FHIP1A: variants seen among roughly 807,000 people sequenced by gnomAD.
FHIP1A encodes FHF complex subunit HOOK interacting protein 1A.
FHIP1A carries 61 observed loss-of-function variants against 88.6 expected under a neutral mutation model. The ratio of observed to expected loss-of-function variants is 0.69; its 90% CI spans 0.56 to 0.85. The LOEUF is 0.85. Ranked by LOEUF, FHIP1A falls within the 40% of genes least tolerant of loss-of-function variation. The probability of loss-of-function intolerance (pLI) is 0.00; values close to 1 mark genes in which losing one functional copy is unlikely to be tolerated. For missense variants in FHIP1A, 1,154 were observed against 1,273.5 expected (o/e 0.91, Z 1.43); for synonymous variants, 478 against 496.0 (o/e 0.96, Z 0.48).
At chr4:151,472,639 T>C (rs1729564302) in intron 2 of FHIP1A, among the ~76,000 whole-genome samples, 1 of 136,620 alleles carries the variant, frequency 7.3e-6, no homozygotes, top group African/African-American at 2.7e-5. Flanking sequence ...TTTTTTTTTT[T>C]GTAGCAACTA....
At chr4:151,439,118 T>A (rs1463112492) in intron 1 of FHIP1A, among the ~76,000 whole-genome samples, 3 of 152,188 alleles carry the variant, frequency 2.0e-5, no homozygotes, top group Non-Finnish European at 4.4e-5. Context: ...GTTTTCCACA[T>A]ATAAATATGT....
chr4:151,469,081 T>C (rs1561509034), intron 2 of FHIP1A, among the ~76,000 whole-genome samples: 1 of 152,224 alleles, frequency 6.6e-6, no homozygotes, highest in African/African-American at 2.4e-5. Context: ...CTGAAAAGGC[T>C]CTATTGCCTT....
intron 3 of FHIP1A, among the ~76,000 whole-genome samples, chr4:151,514,960 C>T (rs982286635): frequency 2.6e-5 from 4 of 152,058 alleles, no homozygotes; most frequent in Non-Finnish European, 2.9e-5. Flanking sequence ...TTTATGAGGC[C>T]AGCATCAACC....
rs542770700 is a variant in FHIP1A, at chr4:151,438,535, A to T, written c.-355-16166A>T. ...AAAACAAAAAAACAAAACAAAACAAAAAAATCTACCTCACCAGAATTATTT... is the reference window on the plus strand; with the variant it reads ...AAAACAAAAAAACAAAACAAAACAATAAAATCTACCTCACCAGAATTATTT... On this transcript the variant is annotated intron_variant, in intron 1 of 13. Coordinates refer to ENST00000435205, the MANE Select transcript of FHIP1A (RefSeq NM_001109977.3). Among the ~76,000 whole-genome samples, 28 of 152,214 alleles carry T rather than the reference A, an allele frequency of 1.8e-4. 1 individual carries two copies. In the South Asian group the frequency reaches 2.1e-3, roughly 11 times the overall value.
At chr4:151,411,007 GA>G (rs1732617176) in intron 1 of FHIP1A, among the ~76,000 whole-genome samples, 1 of 152,228 alleles carries the variant, frequency 6.6e-6, no homozygotes, top group Non-Finnish European at 1.5e-5. Flanking sequence ...TTCAGAGAGT[GA>G]TTGAGAGTGG....
At chr4:151,586,567 A>G (rs1481939023) in intron 5 of FHIP1A, 74 bp from the exon 6 acceptor site, 3 of 1,229,778 alleles carry the variant, frequency 2.4e-6, no homozygotes, top group South Asian at 1.5e-5. Context: ...CAGCATTGGC[A>G]TCACCTGTGA....
At chr4:151,416,797 T>C (rs1318378466) in intron 1 of FHIP1A, among the ~76,000 whole-genome samples, 1 of 152,168 alleles carries the variant, frequency 6.6e-6, no homozygotes, top group Non-Finnish European at 1.5e-5. Context: ...TATCCTTTTT[T>C]TTTTGAAGCA....
At chr4:151,511,432 C>T (rs749962104) in intron 3 of FHIP1A, among the ~76,000 whole-genome samples, 97 of 152,240 alleles carry the variant, frequency 6.4e-4, no homozygotes, top group Non-Finnish European at 1.0e-3. Context: ...AGACAGTGGG[C>T]GCAGGACAGT....
intron 8 of FHIP1A, among the ~76,000 whole-genome samples, chr4:151,634,318 TA>T (rs1370990031): frequency 6.6e-6 from 1 of 151,772 alleles, no homozygotes; most frequent in Non-Finnish European, 1.5e-5. Context: ...TTATTTTCAT[TA>T]AAATGGCCAT....
intron 7 of FHIP1A, among the ~76,000 whole-genome samples, chr4:151,618,685 A>G (rs144150857): frequency 4.9e-4 from 75 of 152,350 alleles, no homozygotes; most frequent in African/African-American, 1.6e-3. Flanking sequence ...TCACTGCGGT[A>G]GATTACATAG....
intron 2 of FHIP1A, among the ~76,000 whole-genome samples, chr4:151,471,636 C>T (rs1007876173): frequency 4.0e-5 from 6 of 151,750 alleles, no homozygotes; most frequent in Non-Finnish European, 7.4e-5. Flanking sequence ...TATTTCCATA[C>T]GTTATTGGGG....
intron 7 of FHIP1A, among the ~76,000 whole-genome samples, chr4:151,615,790 A>G (rs1336020965): frequency 6.6e-6 from 1 of 152,164 alleles, no homozygotes. Flanking sequence ...CAGTGTGGAC[A>G]GGGGGTTAGT....
chr4:151,526,296 G>C (rs1731632599), intron 3 of FHIP1A, among the ~76,000 whole-genome samples: 1 of 152,062 alleles, frequency 6.6e-6, no homozygotes, highest in African/African-American at 2.4e-5. Flanking sequence ...CGGGGTGGTG[G>C]CCGGGCAGAG....
chr4:151,544,536 A>G (rs1275894357), intron 3 of FHIP1A, among the ~76,000 whole-genome samples: 1 of 152,168 alleles, frequency 6.6e-6, no homozygotes, highest in Non-Finnish European at 1.5e-5. Flanking sequence ...GTTTAAGATC[A>G]ACTGGAGGGA....
intron 7 of FHIP1A, among the ~76,000 whole-genome samples, chr4:151,603,117 C>T (rs1262465162): frequency 6.6e-6 from 1 of 152,060 alleles, no homozygotes; most frequent in Non-Finnish European, 1.5e-5. Context: ...TAGAGACCAG[C>T]CTGGCCAATA....
intron 2 of FHIP1A, among the ~76,000 whole-genome samples, chr4:151,473,225 T>G (rs1729588045): frequency 6.6e-6 from 1 of 152,170 alleles, no homozygotes; most frequent in African/African-American, 2.4e-5. Flanking sequence ...AAGGACTAAA[T>G]AAAATGAAAT....
intron 3 of FHIP1A, among the ~76,000 whole-genome samples, chr4:151,540,226 A>G (rs1732234485): frequency 6.6e-6 from 1 of 152,212 alleles, no homozygotes; most frequent in Non-Finnish European, 1.5e-5. Flanking sequence ...TCTACAAACC[A>G]TCATCCCAGT....
At chr4:151,465,327 GA>G (rs1393139926) in intron 2 of FHIP1A, among the ~76,000 whole-genome samples, 7 of 152,240 alleles carry the variant, frequency 4.6e-5, no homozygotes, top group African/African-American at 1.7e-4. Flanking sequence ...AAACCAGCGA[GA>G]TCGAATCCCT....
intron 7 of FHIP1A, among the ~76,000 whole-genome samples, chr4:151,592,595 T>C (rs185756174): frequency 3.0e-4 from 45 of 152,344 alleles, no homozygotes; most frequent in Admixed American, 2.9e-3. Flanking sequence ...TTCATAATCT[T>C]TGCCCACTTT....
Sources: allele counts gnomAD v4.1 joint callset (sites outside exome capture counted in the v4.1 genomes callset), GRCh38; gene constraint gnomAD v4.1.1; transcripts MANE v1.5; gene names NCBI Gene and HGNC (gene_info 2026-07-23, HGNC 2026-07-21).